The following TADA1 variants were observed in gnomAD, a reference collection of about 807,000 sequenced individuals.
TADA1 encodes transcriptional adaptor 1.
A neutral mutation model predicts 39.3 loss-of-function variants in TADA1; 23 were observed. That is an observed-to-expected ratio of 0.58 (90% CI 0.42 to 0.83). TADA1 has a LOEUF of 0.83. Ranked by LOEUF, TADA1 falls within the 40% of genes least tolerant of loss-of-function variation. TADA1 has a pLI of 0.00. For synonymous variants in TADA1, 137 were observed against 151.8 expected (o/e 0.90, Z 0.72); for missense variants, 352 against 408.1 (o/e 0.86, Z 1.18).
At chr1:166,874,339 CA>C (rs111691349) in intron 1 of TADA1, among the ~76,000 whole-genome samples, 4,927 of 123,460 alleles carry the variant, frequency 0.04, 270 homozygotes, top group African/African-American at 0.13. Flanking sequence ...GACTCCATCT[CA>C]AAAAAAAAAA....
intron 1 of TADA1, among the ~76,000 whole-genome samples, chr1:166,872,343 C>G (rs1026416784): frequency 3.3e-5 from 5 of 152,132 alleles, no homozygotes; most frequent in African/African-American, 7.2e-5. Context: ...TTAAAAAGAG[C>G]CTGGCACCTT....
intron 1 of TADA1, 29 bp downstream of exon 1, chr1:166,876,131 C>A: frequency 6.2e-7 from 1 of 1,600,086 alleles, no homozygotes; most frequent in Non-Finnish European, 8.5e-7. Flanking sequence ...CGCGTGTTGG[C>A]CTGGACGCTG....
Position 166,857,508 on chromosome 1 carries a change from A to T in TADA1, c.*59T>A. 6.3e-7 allele frequency: 1 copy of T among 1,595,010 alleles called. No homozygotes were observed. Among genetic ancestry groups the T allele is most frequent in the Non-Finnish European group, 8.6e-7 (1 of 1,169,520 alleles). On this transcript the variant is annotated 3_prime_UTR_variant, in exon 8 of 8. Transcript: ENST00000367874. ...CAGCCTTGAAATGTGGACCCAAAAA[A>T]CATTCAATTTTCAGTAATCAATGAA...
rs1427902901 is a variant in TADA1 at position 166,860,481 on chromosome 1, A to G, written c.541-144T>C. 3.9e-5 allele frequency: 29 copies of G among 740,684 alleles called. No homozygotes were observed. In the South Asian group the frequency reaches 5.9e-4, roughly 15 times the overall value. 45.9% of individuals were successfully genotyped at this position (740,684 alleles called of 1,614,324 possible). A position where few individuals can be genotyped will look rare whatever the true frequency, so the allele number is the denominator to read the frequency against. The stretch of plus-strand genomic sequence containing the variant: ...ATGCTAGAACCAAATGAATGTTCAC[A>G]TGAAGAGCCACGGAGCCACACCAAA... On this transcript the variant is annotated intron_variant, in intron 5 of 7. Coordinates refer to ENST00000367874, the MANE Select transcript of TADA1 (RefSeq NM_053053.4).
rs1214298795 is a variant in TADA1, at chr1:166,856,748, C to G, written c.*819G>C. 1 of 152,568 alleles carries G rather than the reference C, an allele frequency of 6.6e-6. No individual in the cohort carries two copies. The highest frequency in any genetic ancestry group is 2.4e-5 in the African/African-American group (1 of 41,414). 9.5% of individuals were successfully genotyped at this position (152,568 alleles called of 1,614,324 possible). A position where few individuals can be genotyped will look rare whatever the true frequency, so the allele number is the denominator to read the frequency against. Reference sequence around the variant, plus strand: ...ATTATTTTCACTTCATCACTTGAAACGGTAGAAATAGGTACCTCCTAGAAA... The same window carrying G: ...ATTATTTTCACTTCATCACTTGAAAGGGTAGAAATAGGTACCTCCTAGAAA... On this transcript the variant is annotated 3_prime_UTR_variant, in exon 8 of 8. Transcript: ENST00000367874.
chr1:166,858,055 T>A, intron 7 of TADA1, 64 bp downstream of exon 7: 2 of 1,583,950 alleles, frequency 1.3e-6, no homozygotes, highest in Non-Finnish European at 1.7e-6. Flanking sequence ...AATACCTTTG[T>A]AGACTTAAAG....
Position 166,869,474 on chromosome 1 carries a change from G to A in TADA1, c.203C>T (p.Thr68Met), listed in dbSNP as rs147358692. 29 of 1,613,598 alleles carry A rather than the reference G, an allele frequency of 1.8e-5. No homozygotes were observed. Among genetic ancestry groups the A allele is most frequent in the South Asian group, 1.5e-4 (14 of 91,064 alleles). ...TGTAGAAACCAAAATCTGACAACGC[G>A]TGAGAATGGCCAGGAGGAAATCATT... ...SHNDFLLAILTRCQILVSTPD... is the reference protein window; with the variant it reads ...SHNDFLLAILMRCQILVSTPD... The change falls in exon 3 of 8, where the codon ACG (threonine) becomes ATG (methionine). Residue 68 changes from threonine to methionine, a missense_variant. Thr to Met is a moderately conservative substitution (Grantham distance 81). Coordinates refer to ENST00000367874, the MANE Select transcript of TADA1 (RefSeq NM_053053.4).
intron 1 of TADA1, among the ~76,000 whole-genome samples, chr1:166,874,085 G>C (rs921580872): frequency 6.6e-6 from 1 of 151,892 alleles, no homozygotes; most frequent in African/African-American, 2.4e-5. Flanking sequence ...GCTCACGTCG[G>C]TAATCCCAGC....
At chr1:166,865,475 TAAA>T (rs59460033) in intron 3 of TADA1, among the ~76,000 whole-genome samples, 1 of 139,494 alleles carries the variant, frequency 7.2e-6, no homozygotes. Flanking sequence ...TGTTTAATGT[TAAA>T]AAAAAAAAAA....
intron 3 of TADA1, among the ~76,000 whole-genome samples, chr1:166,868,022 C>T (rs1490059776): frequency 6.6e-6 from 1 of 152,138 alleles, no homozygotes. Context: ...TAATCTACAA[C>T]AGGAGTTGGT....
intron 5 of TADA1, among the ~76,000 whole-genome samples, chr1:166,861,400 G>A (rs1229437409): frequency 1.3e-5 from 2 of 152,172 alleles, no homozygotes; most frequent in Middle Eastern, 3.2e-3. Context: ...AGAAAATAGG[G>A]CTCAGAGAAT....
chr1:166,859,057 T>C (rs1007445917), intron 6 of TADA1, among the ~76,000 whole-genome samples: 2 of 152,220 alleles, frequency 1.3e-5, no homozygotes, highest in Non-Finnish European at 2.9e-5. Flanking sequence ...AGAAGAATGA[T>C]CCCAAACAGA....
Position 166,862,424 on chromosome 1 carries a change from A to G in TADA1, c.331-12T>C. The G allele has an allele frequency of 6.2e-7, 1 of 1,611,434 alleles. No individual in the cohort carries two copies. Among genetic ancestry groups the G allele is most frequent in the Admixed American group, 1.7e-5 (1 of 59,914 alleles). On this transcript the variant is annotated splice_polypyrimidine_tract_variant and intron_variant, in intron 4 of 7. Transcript: ENST00000367874. The stretch of plus-strand genomic sequence containing the variant: ...GGCTGGAATCTATGCTATGAGTAAG[A>G]AAAACTTTTTAAAATTACTCATTAC...
intron 3 of TADA1, among the ~76,000 whole-genome samples, chr1:166,865,687 T>C (rs547994497): frequency 1.1e-3 from 174 of 151,306 alleles, no homozygotes; most frequent in Admixed American, 2.2e-3. Flanking sequence ...GGCGTGGTGG[T>C]GGGCACCTGT....
Position 166,862,367 on chromosome 1 carries a change from C to A in TADA1, c.376G>T (p.Val126Leu). Residue 126 changes from valine to leucine, a missense_variant, in exon 5 of 8, where the codon GTG becomes TTG. Coordinates refer to ENST00000367874, the MANE Select transcript of TADA1 (RefSeq NM_053053.4). ...QNPLSGAQQF[V>L]AKDPQDDDDL... ...TCATCATCTTGGGGATCCTTTGCCACAAATTGCTGGGCTCCTGAGAGAGGA... is the reference window on the plus strand; with the variant it reads ...TCATCATCTTGGGGATCCTTTGCCAAAAATTGCTGGGCTCCTGAGAGAGGA... 6.2e-7 allele frequency: 1 copy of A among 1,614,218 alleles called. No homozygotes were observed. Among genetic ancestry groups the A allele is most frequent in the Non-Finnish European group, 8.5e-7 (1 of 1,180,050 alleles).
intron 3 of TADA1, chr1:166,869,076 A>G (rs750302342): frequency 1.4e-5 from 4 of 281,698 alleles, no homozygotes; most frequent in Non-Finnish European, 2.9e-5. Flanking sequence ...TGGCAAAGAA[A>G]AGTTTGGTGT....
In TADA1 at chr1:166,867,641, G is replaced by A. The variant is rs933097697; in HGVS notation, c.232+1804C>T. Among the ~76,000 whole-genome samples, 24 of 150,546 alleles carry A rather than the reference G, an allele frequency of 1.6e-4. 1 individual carries two copies. The highest frequency in any genetic ancestry group is 4.4e-4 in the African/African-American group (18 of 40,874). On this transcript the variant is annotated intron_variant, in intron 3 of 7. Transcript: ENST00000367874. The stretch of plus-strand genomic sequence containing the variant: ...ACTCTGTCGCCCAGGCTGAAGTGCC[G>A]TGGCACAATGTAACCTCTACCTCCC...
Position 166,856,918 on chromosome 1 carries a change from A to ACTC in TADA1, c.*648_*649insGAG, listed in dbSNP as rs1658291656. On this transcript the variant is annotated 3_prime_UTR_variant, in exon 8 of 8. Coordinates refer to ENST00000367874, the MANE Select transcript of TADA1 (RefSeq NM_053053.4). ...TCATGGGAAGACATAAAGTTAATTA[A>ACTC]TTGCATTACAAGAGTTTTGTTTTGA... The ACTC allele has an allele frequency of 1.3e-5, 2 of 152,294 alleles. No homozygotes were observed. Among genetic ancestry groups the ACTC allele is most frequent in the African/African-American group, 2.4e-5 (1 of 41,474 alleles). 9.4% of individuals were successfully genotyped at this position (152,294 alleles called of 1,614,324 possible).
rs201124153 is a variant in TADA1 at position 166,862,236 on chromosome 1, C to G, written c.507G>C (p.Glu169Asp). 8 of 1,613,838 alleles carry G rather than the reference C, an allele frequency of 5.0e-6. No homozygotes were observed. The East Asian group carries it at 1.8e-4, about 36-fold the overall frequency. ...AYEHGLDNVT[E>D]EAVSAVVYAV... The stretch of plus-strand genomic sequence containing the variant: ...CATAGACAACAGCTGAAACAGCCTC[C>G]TCGGTGACATTGTCCAGCCCATGCT... The change falls in exon 5 of 8, where the codon GAG (glutamate) becomes GAC (aspartate). Residue 169 changes from glutamate to aspartate, a missense_variant. Glu to Asp is a conservative substitution (Grantham distance 45, BLOSUM62 2). Coordinates refer to ENST00000367874, the MANE Select transcript of TADA1 (RefSeq NM_053053.4).
Sources: gnomAD v4.1 joint callset for allele counts (sites outside exome capture counted in the v4.1 genomes callset) on GRCh38, gnomAD v4.1.1 for gene constraint, MANE v1.5 for transcripts, NCBI Gene and HGNC (gene_info 2026-07-23, HGNC 2026-07-21) for gene names.